TCTN3: variants seen among roughly 807,000 people sequenced by gnomAD.
TCTN3 encodes tectonic family member 3.
A neutral mutation model predicts 71.3 loss-of-function variants in TCTN3; 57 were observed. The ratio of observed to expected loss-of-function variants is 0.80; its 90% CI spans 0.65 to 1.00. The LOEUF (loss-of-function observed/expected upper bound fraction) is 1.00, where lower values mean the gene tolerates loss of function less well. TCTN3 is among the 50% of genes least tolerant of loss of function. The pLI is 0.00. For synonymous variants in TCTN3, 258 were observed against 267.8 expected, an observed-to-expected ratio of 0.96 and a Z score of 0.36; for missense variants, 696 against 719.9, an observed-to-expected ratio of 0.97 and a Z score of 0.38.
At chr10:95,692,786 T>C (rs1225400753) in intron 3 of TCTN3, 134 bp downstream of exon 3, 1 of 650,506 alleles carries the variant, frequency 1.5e-6, no homozygotes, top group African/African-American at 1.8e-5. Flanking sequence ...TTGTTGTTGT[T>C]TTTAACTCAT....
chr10:95,669,919 C>T (rs1209916799), intron 13 of TCTN3, among the ~76,000 whole-genome samples: 3 of 151,142 alleles, frequency 2.0e-5, no homozygotes. Flanking sequence ...AAAAATTAGC[C>T]GGGCGAGGTG....
chr10:95,686,394 C>T (rs2097948295), intron 7 of TCTN3, 101 bp downstream of exon 7: 12 of 1,265,176 alleles, frequency 9.5e-6, no homozygotes, highest in Non-Finnish European at 1.4e-5. Flanking sequence ...CTACATCACG[C>T]TTACATTTAT....
intron 13 of TCTN3, among the ~76,000 whole-genome samples, chr10:95,677,496 T>TG: frequency 6.7e-6 from 1 of 149,560 alleles, no homozygotes; most frequent in South Asian, 2.1e-4. Flanking sequence ...TTTTTTTTTT[T>TG]TTTTTGCTGT....
At chr10:95,670,384 G>T (rs1247411203) in intron 13 of TCTN3, among the ~76,000 whole-genome samples, 2 of 151,950 alleles carry the variant, frequency 1.3e-5, no homozygotes, top group African/African-American at 2.4e-5. Flanking sequence ...TTAAGACAGG[G>T]TCTCACTCTG....
In TCTN3 at chr10:95,684,547, A is replaced by G; in HGVS notation, c.1047T>C (p.Thr349=). ...VSVSLGQTNL[T]VEPGASLQQH... ...GCTGTAAGGAAGCGCCTGGCTCAAC[A>G]GTCAGGTTGGTTTGTCCCAAACTGA... is the stretch of plus-strand genomic sequence containing the variant. Residue 349 remains threonine, a synonymous_variant, in exon 9 of 14, where the codon ACT becomes ACC. Coordinates refer to ENST00000371217, the MANE Select transcript of TCTN3 (RefSeq NM_015631.6). 1 of 1,614,124 alleles carries G rather than the reference A, an allele frequency of 6.2e-7. No homozygotes were observed. The highest frequency in any genetic ancestry group is 8.5e-7 in the Non-Finnish European group (1 of 1,179,948).
At chr10:95,689,134 G>C (rs747211619) in intron 3 of TCTN3, among the ~76,000 whole-genome samples, 2 of 152,018 alleles carry the variant, frequency 1.3e-5, no homozygotes, top group Non-Finnish European at 2.9e-5. Flanking sequence ...TCTCAATTCT[G>C]GGGCCTTTCA....
At chr10:95,688,284 G>T (rs1003808666) in intron 3 of TCTN3, among the ~76,000 whole-genome samples, 7 of 151,064 alleles carry the variant, frequency 4.6e-5, no homozygotes, top group African/African-American at 1.7e-4. Flanking sequence ...CAGCTACTCA[G>T]GAGGCTAAGG....
intron 3 of TCTN3, among the ~76,000 whole-genome samples, chr10:95,688,397 GAAAAA>G (rs60722894): frequency 6.7e-5 from 7 of 104,592 alleles, no homozygotes; most frequent in African/African-American, 2.1e-4. Flanking sequence ...TCAAAAAAAA[GAAAAA>G]AAAAAAAAAA....
chr10:95,680,398 T>C (rs2097941692), intron 13 of TCTN3, 74 bp downstream of exon 13: 9 of 1,497,540 alleles, frequency 6.0e-6, no homozygotes, highest in Non-Finnish European at 7.1e-6. Flanking sequence ...TAAAAAATTA[T>C]TTGGTTAACA....
chr10:95,686,364 G>C (rs1011438773), intron 7 of TCTN3, 131 bp downstream of exon 7: 1 of 934,224 alleles, frequency 1.1e-6, no homozygotes, highest in African/African-American at 1.7e-5. Flanking sequence ...CACCGTTTTA[G>C]ATCCCTACTT....
rs1191741440 is a variant in TCTN3, at chr10:95,685,649, A to C, written c.889-13T>G. 6.5e-7 allele frequency: 1 copy of C among 1,546,972 alleles called. No homozygotes were observed. Among genetic ancestry groups the C allele is most frequent in the Non-Finnish European group, 8.7e-7 (1 of 1,142,876 alleles). On this transcript the variant is annotated splice_polypyrimidine_tract_variant and intron_variant, in intron 7 of 13. Transcript: ENST00000371217. ...CAGGAACCTGGAACTAGCAACGAAAAGAAGCAAATTAACTAAAACTGAAGG... is the reference window on the plus strand; with the variant it reads ...CAGGAACCTGGAACTAGCAACGAAACGAAGCAAATTAACTAAAACTGAAGG...
chr10:95,682,036 A>C lies in TCTN3; in HGVS notation c.1452+615T>G, dbSNP rs1427539222. 4.6e-5 allele frequency among the ~76,000 whole-genome samples: 7 copies of C among 151,748 alleles called. No homozygotes were observed. The East Asian group carries it at 9.7e-4, about 21-fold the overall frequency. ...TACTGAGACCTTGTCTCTACAAAAAAATCAAAAAATTATCTAGGCATGCTG... is the reference window on the plus strand; with the variant it reads ...TACTGAGACCTTGTCTCTACAAAAACATCAAAAAATTATCTAGGCATGCTG... On this transcript the variant is annotated intron_variant, in intron 12 of 13. Coordinates refer to ENST00000371217, the MANE Select transcript of TCTN3 (RefSeq NM_015631.6).
rs928487077 is a variant in TCTN3 at position 95,693,903 on chromosome 10, G to A, written c.-4C>T. ...GCGCGAGCTGTGGGGTGCGCATGGG[G>A]CATTCAGGGCCTCCGGGTCCGACGT... On this transcript the variant is annotated 5_prime_UTR_variant, in exon 1 of 14. Coordinates refer to ENST00000371217, the MANE Select transcript of TCTN3 (RefSeq NM_015631.6). 9.6e-5 allele frequency: 149 copies of A among 1,551,536 alleles called. No individual in the cohort carries two copies. The highest frequency in any genetic ancestry group is 1.3e-4 in the Non-Finnish European group (149 of 1,146,916).
intron 3 of TCTN3, among the ~76,000 whole-genome samples, chr10:95,690,003 T>C (rs966076876): frequency 6.6e-6 from 1 of 152,164 alleles, no homozygotes; most frequent in Non-Finnish European, 1.5e-5. Flanking sequence ...TGAATTTTAT[T>C]TTATTTTGAG....
chr10:95,679,178 A>G (rs2097940333), intron 13 of TCTN3, among the ~76,000 whole-genome samples: 1 of 152,210 alleles, frequency 6.6e-6, no homozygotes. Flanking sequence ...TAAATACTAG[A>G]AAAAGCTATC....
In TCTN3 at chr10:95,668,067, AG is replaced by A. The variant is rs2097927299; in HGVS notation, c.1591-3768del. Among the ~76,000 whole-genome samples, 3 of 152,310 alleles carry A rather than the reference AG, an allele frequency of 2.0e-5. No individual in the cohort carries two copies. The East Asian group carries it at 5.8e-4, about 29-fold the overall frequency. On this transcript the variant is annotated intron_variant, in intron 13 of 13. Transcript: ENST00000371217. ...ATACATGAAAAAAGATATTATGAAA[AG>A]AAACAGAATAAGACAGACCTTAGGT...
rs766406328 is a variant in TCTN3, at chr10:95,684,546, C to T, written c.1048G>A (p.Val350Ile). 7 of 1,613,986 alleles carry T rather than the reference C, an allele frequency of 4.3e-6. No individual in the cohort carries two copies. In the African/African-American group the frequency reaches 5.3e-5, roughly 12 times the overall value. Reference protein sequence around the residue: ...SVSLGQTNLTVEPGASLQQHF... With the variant: ...SVSLGQTNLTIEPGASLQQHF... ...TGCTGTAAGGAAGCGCCTGGCTCAA[C>T]AGTCAGGTTGGTTTGTCCCAAACTG... Residue 350 changes from valine to isoleucine, a missense_variant, in exon 9 of 14, where the codon GTT becomes ATT. By Grantham distance (29) the Val-to-Ile change is conservative. Coordinates refer to ENST00000371217, the MANE Select transcript of TCTN3 (RefSeq NM_015631.6).
In TCTN3 at chr10:95,693,738, A is replaced by T. The variant is rs1410663654; in HGVS notation, c.162T>A (p.Thr54=). 10 of 1,551,674 alleles carry T rather than the reference A, an allele frequency of 6.4e-6. No homozygotes were observed. The highest frequency in any genetic ancestry group is 8.7e-6 in the Non-Finnish European group (10 of 1,146,982). The stretch of plus-strand genomic sequence containing the variant: ...GTCCAGGCACGGCCGGGCGAGTTGC[A>T]GTCGCCTCTGAAGGGGACTGGAGGG... ...GGTLQSPSEA[T]ATRPAVPGLP... is the part of the protein sequence containing the mutation. Residue 54 remains threonine, a synonymous_variant, in exon 1 of 14, where the codon ACT becomes ACA. Transcript: ENST00000371217.
chr10:95,687,893 C>T (rs1487433929), intron 3 of TCTN3, among the ~76,000 whole-genome samples, 174 bp from the exon 4 acceptor site: 1 of 152,134 alleles, frequency 6.6e-6, no homozygotes, highest in Non-Finnish European at 1.5e-5. Flanking sequence ...GATCAAGTTA[C>T]AGAATATTTC....
Sources: gnomAD v4.1 joint callset for allele counts (sites outside exome capture counted in the v4.1 genomes callset) on GRCh38, gnomAD v4.1.1 for gene constraint, MANE v1.5 for transcripts, NCBI Gene and HGNC (gene_info 2026-07-23, HGNC 2026-07-21) for gene names.